The following PPFIBP1 variants were observed in gnomAD, a reference collection of about 807,000 sequenced individuals.
PPFIBP1 encodes PPFIB scaffold protein 1.
Under a neutral mutation model 137.8 loss-of-function variants are expected in PPFIBP1, and 112 were observed. The observed-to-expected ratio is 0.81, with a 90% CI of 0.70 to 0.95. The LOEUF is 0.95. Ranked by LOEUF, PPFIBP1 falls within the 40% of genes least tolerant of loss-of-function variation. PPFIBP1 has a pLI of 0.00. For missense variants in PPFIBP1, 1,083 were observed against 1,196.6 expected (o/e 0.91, Z 1.40); for synonymous variants, 378 against 417.3 (o/e 0.91, Z 1.15).
Position 27,672,430 on chromosome 12 carries a change from T to A in PPFIBP1, c.1266T>A (p.Asp422Glu). ...PKPETSFEEN[D>E]GNIILGATVD... ...CCTTTTGTTCTTTACATTTTAGTGA[T>A]GGAAACATAATCCTTGGTGCCACTG... The change falls in exon 15 of 30, where the codon GAT (aspartate) becomes GAA (glutamate). Residue 422 changes from aspartate (D) to glutamate (E), a missense_variant. Asp to Glu is a conservative substitution (Grantham distance 45, BLOSUM62 2). Transcript: ENST00000228425. 1 of 1,606,122 alleles carries A rather than the reference T, an allele frequency of 6.2e-7. No individual in the cohort carries two copies. The highest frequency in any genetic ancestry group is 8.5e-7 in the Non-Finnish European group (1 of 1,173,336).
At chr12:27,603,868 G>A (rs931501058) in intron 2 of PPFIBP1, among the ~76,000 whole-genome samples, 5 of 152,172 alleles carry the variant, frequency 3.3e-5, no homozygotes, top group African/African-American at 1.2e-4. Flanking sequence ...AAATTGGGTA[G>A]ACAACCCCCT....
intron 1 of PPFIBP1, among the ~76,000 whole-genome samples, chr12:27,532,916 A>C (rs1944567509): frequency 6.6e-6 from 1 of 152,226 alleles, no homozygotes; most frequent in Admixed American, 6.5e-5. Context: ...TGACTCTGGA[A>C]ATAGCAGATT....
intron 2 of PPFIBP1, among the ~76,000 whole-genome samples, chr12:27,608,009 T>C (rs2054708926): frequency 6.6e-6 from 1 of 152,220 alleles, no homozygotes; most frequent in Non-Finnish European, 1.5e-5. Flanking sequence ...ACTGAAACTC[T>C]AAAAAGCTAT....
intron 2 of PPFIBP1, among the ~76,000 whole-genome samples, chr12:27,594,688 A>T (rs554314504): frequency 1.3e-5 from 2 of 152,360 alleles, no homozygotes; most frequent in African/African-American, 4.8e-5. Context: ...AGATCATTAT[A>T]TAAAATTGGA....
chr12:27,688,962 C>T, intron 26 of PPFIBP1, 53 bp from the exon 27 acceptor site: 2 of 1,542,622 alleles, frequency 1.3e-6, no homozygotes, highest in South Asian at 2.4e-5. Flanking sequence ...ACAATACAAA[C>T]ATGTATGATT....
chr12:27,571,651 T>C (rs1306585243), intron 1 of PPFIBP1, among the ~76,000 whole-genome samples: 1 of 152,216 alleles, frequency 6.6e-6, no homozygotes, highest in Non-Finnish European at 1.5e-5. Context: ...ATGACCTCAC[T>C]GGGGTGTGTT....
chr12:27,525,517 A>AG (rs1370324874), intron 1 of PPFIBP1, among the ~76,000 whole-genome samples: 1 of 144,362 alleles, frequency 6.9e-6, no homozygotes, highest in Non-Finnish European at 1.5e-5. Flanking sequence ...AGGAAGGAAA[A>AG]AAAAAAAAAA....
intron 1 of PPFIBP1, chr12:27,549,321 G>A (rs1352723133): frequency 6.6e-6 from 1 of 152,186 alleles, no homozygotes; most frequent in African/African-American, 2.4e-5. Context: ...TTAACTTTGT[G>A]CACATCTTCC....
intron 1 of PPFIBP1, among the ~76,000 whole-genome samples, chr12:27,557,549 A>G (rs1463292796): frequency 2.0e-5 from 3 of 152,296 alleles, no homozygotes; most frequent in East Asian, 1.9e-4. Context: ...TGGTAACAAT[A>G]TTGAACTTTT....
rs573647913 is a variant in PPFIBP1 at position 27,655,163 on chromosome 12, T to C, written c.696+349T>C. ...ACCAGTCTTTAATGGCCAAACTTTC[T>C]AGCATGAAAATCAAGGTGGGTCAGA... is the stretch of plus-strand genomic sequence containing the variant. On this transcript the variant is annotated intron_variant, in intron 8 of 29. Coordinates refer to ENST00000228425, the MANE Select transcript of PPFIBP1 (RefSeq NM_003622.4). The C allele has an allele frequency of 4.6e-6, 7 of 1,535,172 alleles. No homozygotes were observed. In the African/African-American group the frequency reaches 9.6e-5, roughly 21 times the overall value.
chr12:27,635,894 G>A lies in PPFIBP1; in HGVS notation c.270+779G>A, dbSNP rs2057632613. 3 of 152,296 alleles carry A rather than the reference G, an allele frequency of 2.0e-5. No homozygotes were observed. The South Asian group carries it at 6.2e-4, about 32-fold the overall frequency. 9.4% of individuals were successfully genotyped at this position (152,296 alleles called of 1,614,324 possible). On this transcript the variant is annotated intron_variant, in intron 4 of 29. Coordinates refer to ENST00000228425, the MANE Select transcript of PPFIBP1 (RefSeq NM_003622.4). ...GATGAATACATAAAATCTAAAGAAT[G>A]TCACAAAAACAGATTCAGTGGAGGA...
At chr12:27,654,232 C>T (rs1315649724) in intron 7 of PPFIBP1, among the ~76,000 whole-genome samples, 7 of 152,080 alleles carry the variant, frequency 4.6e-5, no homozygotes, top group Non-Finnish European at 7.4e-5. Context: ...ATTGGGTTGA[C>T]GAGCAATCCA....
rs757030568 is a variant in PPFIBP1, at chr12:27,687,371, G to A, written c.2248-14G>A. The stretch of plus-strand genomic sequence containing the variant: ...GCCAGCACAGTGAGCTCCTCCTTTT[G>A]TTCTTTTTTGCAGGATGACTTACTG... On this transcript the variant is annotated splice_polypyrimidine_tract_variant and intron_variant, in intron 24 of 29. Transcript: ENST00000228425. The A allele has an allele frequency of 9.3e-6, 15 of 1,612,200 alleles. 1 individual carries two copies. In the South Asian group the frequency reaches 1.6e-4, roughly 18 times the overall value.
At chr12:27,680,175 C>A in intron 21 of PPFIBP1, 114 bp downstream of exon 21, 1 of 1,384,464 alleles carries the variant, frequency 7.2e-7, no homozygotes, top group Non-Finnish European at 9.8e-7. Context: ...TAATGCTGTG[C>A]CTAATGAAAG....
At chr12:27,541,510 A>T (rs922982479) in intron 1 of PPFIBP1, among the ~76,000 whole-genome samples, 5 of 151,966 alleles carry the variant, frequency 3.3e-5, no homozygotes, top group African/African-American at 4.8e-5. Flanking sequence ...CGGAGCAGAG[A>T]CTCAGGCCAC....
At chr12:27,660,979 G>GT (rs745965926) in intron 11 of PPFIBP1, 34 bp downstream of exon 11, 3 of 1,607,612 alleles carry the variant, frequency 1.9e-6, no homozygotes, top group East Asian at 2.2e-5. Flanking sequence ...ACGTGTGGAT[G>GT]TTTTTTAACA....
intron 6 of PPFIBP1, among the ~76,000 whole-genome samples, chr12:27,649,788 G>A (rs1458559157): frequency 6.6e-6 from 1 of 152,132 alleles, no homozygotes; most frequent in African/African-American, 2.4e-5. Flanking sequence ...CTGACCTCAA[G>A]CGATCTGCCT....
chr12:27,530,723 T>G (rs1367561194), intron 1 of PPFIBP1, among the ~76,000 whole-genome samples: 1 of 152,184 alleles, frequency 6.6e-6, no homozygotes, highest in Non-Finnish European at 1.5e-5. Context: ...TCAGTGACAG[T>G]AGTCCTGGCT....
In PPFIBP1 at chr12:27,552,173, C is replaced by T. The variant is rs557607758; in HGVS notation, c.-123-25979C>T. Among the ~76,000 whole-genome samples, 13 of 152,262 alleles carry T rather than the reference C, an allele frequency of 8.5e-5. No homozygotes were observed. In the East Asian group the frequency reaches 1.5e-3, roughly 18 times the overall value. ...AGTAAATGTTGAATTTGTTTATCTC[C>T]GAGTTCTGTTGTCAATGAATTGAAA... On this transcript the variant is annotated intron_variant, in intron 1 of 29. Coordinates refer to ENST00000228425, the MANE Select transcript of PPFIBP1 (RefSeq NM_003622.4).
Sources: allele counts gnomAD v4.1 joint callset (sites outside exome capture counted in the v4.1 genomes callset), GRCh38; gene constraint gnomAD v4.1.1; transcripts MANE v1.5; gene names NCBI Gene and HGNC (gene_info 2026-07-23, HGNC 2026-07-21).